Variants in ANK3 observed in about 807,000 individuals in gnomAD.
ANK3 encodes ankyrin 3, also known as ankyrin-3.
A neutral mutation model predicts 370.9 loss-of-function variants in ANK3; 57 were observed. The observed-to-expected ratio is 0.15, with a 90% CI of 0.12 to 0.19. The LOEUF (loss-of-function observed/expected upper bound fraction) is 0.19, where lower values mean the gene tolerates loss of function less well. Ranked by LOEUF, ANK3 falls within the 10% of genes least tolerant of loss-of-function variation. ANK3 has a pLI of 1.00. For missense variants in ANK3, 4,439 were observed against 5,302.1 expected, an observed-to-expected ratio of 0.84 and a Z score of 5.06; for synonymous variants, 1,929 against 1,946.3, an observed-to-expected ratio of 0.99 and a Z score of 0.23.
At chr10:60,579,026 G>A (rs1003151138) in intron 2 of ANK3, among the ~76,000 whole-genome samples, 4 of 152,064 alleles carry the variant, frequency 2.6e-5, no homozygotes, top group Non-Finnish European at 4.4e-5. Flanking sequence ...AAAAAAAAAT[G>A]AGCTTAAAAG....
chr10:60,730,602 CAT>C (rs1217253258), intron 1 of ANK3, among the ~76,000 whole-genome samples: 6 of 152,190 alleles, frequency 3.9e-5, no homozygotes, highest in Non-Finnish European at 5.9e-5. Context: ...GCTATTTTCA[CAT>C]GTCGACAAAG....
intron 42 of ANK3, among the ~76,000 whole-genome samples, chr10:60,052,852 A>G (rs933593425): frequency 6.6e-6 from 1 of 152,066 alleles, no homozygotes; most frequent in Non-Finnish European, 1.5e-5. Flanking sequence ...AAAAAATAAA[A>G]CTGCTATAGG....
intron 2 of ANK3, among the ~76,000 whole-genome samples, chr10:60,609,078 C>G (rs1286503111): frequency 1.3e-5 from 2 of 152,162 alleles, no homozygotes; most frequent in Non-Finnish European, 2.9e-5. Context: ...GAAGGAATGA[C>G]TGTATAGTAG....
At chr10:60,724,972 T>C (rs929646041) in intron 1 of ANK3, among the ~76,000 whole-genome samples, 2 of 152,208 alleles carry the variant, frequency 1.3e-5, no homozygotes, top group African/African-American at 4.8e-5. Flanking sequence ...ATTATCATTA[T>C]TTTCTTTCTT....
intron 8 of ANK3, among the ~76,000 whole-genome samples, chr10:60,216,575 T>G (rs1001845691): frequency 1.3e-5 from 2 of 152,210 alleles, no homozygotes; most frequent in African/African-American, 4.8e-5. Flanking sequence ...GTTTACTGAT[T>G]TGCTTAAGTT....
chr10:60,233,005 T>A (rs1283615384), intron 8 of ANK3, among the ~76,000 whole-genome samples: 2 of 152,222 alleles, frequency 1.3e-5, no homozygotes, highest in Admixed American at 1.3e-4. Flanking sequence ...ACAAGAAAAC[T>A]ACTTAAAACC....
chr10:60,402,293 A>AT (rs2063367192), intron 2 of ANK3, among the ~76,000 whole-genome samples: 1 of 152,108 alleles, frequency 6.6e-6, no homozygotes, highest in Non-Finnish European at 1.5e-5. Flanking sequence ...AAGAATATAA[A>AT]TAAAAAAATG....
At chr10:60,264,904 T>C (rs1431593171) in intron 5 of ANK3, among the ~76,000 whole-genome samples, 5 of 152,274 alleles carry the variant, frequency 3.3e-5, no homozygotes, top group African/African-American at 7.2e-5. Context: ...TCTGTGACCA[T>C]TGAGAGAAGA....
At chr10:60,627,298 C>T (rs1441315262) in intron 1 of ANK3, among the ~76,000 whole-genome samples, 1 of 151,812 alleles carries the variant, frequency 6.6e-6, no homozygotes, top group African/African-American at 2.4e-5. Flanking sequence ...TTAATTCTTC[C>T]ATTCAGTATT....
At chr10:60,620,572 GT>G (rs2078322325) in intron 1 of ANK3, among the ~76,000 whole-genome samples, 1 of 152,160 alleles carries the variant, frequency 6.6e-6, no homozygotes, top group African/African-American at 2.4e-5. Flanking sequence ...AGTCCAGACA[GT>G]TTCAATAACT....
At chr10:60,225,712 C>A (rs1009278296) in intron 8 of ANK3, among the ~76,000 whole-genome samples, 1 of 151,942 alleles carries the variant, frequency 6.6e-6, no homozygotes, top group African/African-American at 2.4e-5. Flanking sequence ...CCTTTTGTGT[C>A]CTCTCTACTT....
intron 7 of ANK3, among the ~76,000 whole-genome samples, chr10:60,260,946 T>C (rs2132639042): frequency 6.6e-6 from 1 of 152,320 alleles, no homozygotes; most frequent in South Asian, 2.1e-4. Context: ...AACAGACTAA[T>C]ACACTACTGC....
chr10:60,644,906 G>C (rs1203951188), intron 1 of ANK3, among the ~76,000 whole-genome samples: 2 of 42,316 alleles, frequency 4.7e-5, no homozygotes, highest in Admixed American at 2.4e-4. Context: ...AAAAAAAAAC[G>C]ATGAGTCATT....
rs2079891023 is a variant in ANK3, at chr10:60,059,401, G to T, written c.12625C>A (p.Leu4209Ile). Reference protein sequence around the residue: ...GWQNETSSGNLESCAQARRVT... With the variant: ...GWQNETSSGNIESCAQARRVT... The stretch of plus-strand genomic sequence containing the variant: ...CTTCGAGCTTGAGCGCAGGACTCTA[G>T]GTTTCCACTTGATGTCTCATTCTGC... Residue 4209 changes from leucine (L) to isoleucine (I), a missense_variant, in exon 41 of 44, where the codon CTA (leucine) becomes ATA (isoleucine). Leu to Ile is a conservative substitution (Grantham distance 5, BLOSUM62 2). Coordinates refer to ENST00000280772, the MANE Select transcript of ANK3 (RefSeq NM_020987.5). 6.2e-7 allele frequency: 1 copy of T among 1,613,916 alleles called. No homozygotes were observed. The highest frequency in any genetic ancestry group is 1.7e-5 in the Admixed American group (1 of 59,996).
chr10:60,300,328 G>A (rs1358692173), intron 1 of ANK3: 2 of 1,285,846 alleles, frequency 1.6e-6, no homozygotes, highest in African/African-American at 1.5e-5. Flanking sequence ...CTTGTTCTGG[G>A]AAGCTCTCTC....
intron 2 of ANK3, among the ~76,000 whole-genome samples, chr10:60,489,115 A>G (rs67467797): frequency 0.019 from 2,895 of 152,322 alleles, 60 homozygotes; most frequent in African/African-American, 0.048. Context: ...CATAGTCTCA[A>G]GAAATGTATA....
intron 12 of ANK3, 103 bp from the exon 13 acceptor site, chr10:60,200,330 T>C: frequency 1.2e-6 from 1 of 858,398 alleles, no homozygotes. Flanking sequence ...AAATAAAAAA[T>C]AGTCCTAAGC....
intron 2 of ANK3, among the ~76,000 whole-genome samples, chr10:60,566,630 T>C (rs79431484): frequency 0.011 from 1,612 of 152,306 alleles, 34 homozygotes; most frequent in African/African-American, 0.037. Flanking sequence ...TCCAGCACTT[T>C]GGAAGGCCAA....
At chr10:60,274,353 T>C (rs1436189141) in intron 4 of ANK3, among the ~76,000 whole-genome samples, 1 of 152,158 alleles carries the variant, frequency 6.6e-6, no homozygotes, top group African/African-American at 2.4e-5. Flanking sequence ...TTTACAGTGG[T>C]CATTTGTAGT....
Sources: allele counts gnomAD v4.1 joint callset (sites outside exome capture counted in the v4.1 genomes callset), GRCh38; gene constraint gnomAD v4.1.1; transcripts MANE v1.5; gene names NCBI Gene and HGNC (gene_info 2026-07-23, HGNC 2026-07-21).